The following L3MBTL4 variants were observed in gnomAD, a reference collection of about 807,000 sequenced individuals.
The protein encoded by L3MBTL4 is L3MBTL histone methyl-lysine binding protein 4, also known as lethal(3)malignant brain tumor-like protein 4.
In L3MBTL4, 70 loss-of-function variants were observed where a neutral mutation model predicts 84.5. That is an observed-to-expected ratio of 0.83 (90% CI 0.68 to 1.01). L3MBTL4 has a LOEUF of 1.01. L3MBTL4 is among the 50% of genes least tolerant of loss of function. The pLI, the probability that L3MBTL4 is intolerant of heterozygous loss-of-function variation, is 0.00. For synonymous variants in L3MBTL4, 274 were observed against 259.8 expected (o/e 1.05, Z -0.52); for missense variants, 715 against 754.8 (o/e 0.95, Z 0.62).
At chr18:6,008,135 C>A (rs1050427594) in intron 16 of L3MBTL4, among the ~76,000 whole-genome samples, 7 of 152,120 alleles carry the variant, frequency 4.6e-5, no homozygotes, top group African/African-American at 1.7e-4. Context: ...GGAAATATGA[C>A]CTTTCTTTGA....
chr18:6,042,462 C>T (rs905511101), intron 16 of L3MBTL4, among the ~76,000 whole-genome samples: 1 of 152,106 alleles, frequency 6.6e-6, no homozygotes, highest in Non-Finnish European at 1.5e-5. Context: ...ACTTCCATAC[C>T]TCCCACCTAC....
At chr18:6,243,676 A>T (rs1470123645) in intron 6 of L3MBTL4, among the ~76,000 whole-genome samples, 1 of 152,230 alleles carries the variant, frequency 6.6e-6, no homozygotes, top group Non-Finnish European at 1.5e-5. Flanking sequence ...CAATCTAGGA[A>T]TCTGAGGGTC....
At chr18:6,217,164 C>T (rs2046361034) in intron 10 of L3MBTL4, among the ~76,000 whole-genome samples, 2 of 152,062 alleles carry the variant, frequency 1.3e-5, no homozygotes, top group Non-Finnish European at 2.9e-5. Context: ...GTACACAAAT[C>T]AAGTGGATAG....
At chr18:6,115,690 T>C (rs2059336238) in intron 14 of L3MBTL4, among the ~76,000 whole-genome samples, 1 of 152,178 alleles carries the variant, frequency 6.6e-6, no homozygotes, top group Admixed American at 6.5e-5. Context: ...ATGGGAAGAC[T>C]CAAGGAGGGT....
chr18:6,081,150 C>A, intron 15 of L3MBTL4, 199 bp from the exon 16 acceptor site: 2 of 431,028 alleles, frequency 4.6e-6, no homozygotes, highest in Non-Finnish European at 8.1e-6. Flanking sequence ...TGACTTTGAA[C>A]CCTGAAATTT....
At chr18:6,116,887 A>C (rs1292632930) in intron 14 of L3MBTL4, among the ~76,000 whole-genome samples, 1 of 152,200 alleles carries the variant, frequency 6.6e-6, no homozygotes, top group Non-Finnish European at 1.5e-5. Flanking sequence ...CCCTGTGTTG[A>C]CCTTTGCTCG....
At chr18:6,113,307 G>A (rs2059252803) in intron 14 of L3MBTL4, among the ~76,000 whole-genome samples, 1 of 151,962 alleles carries the variant, frequency 6.6e-6, no homozygotes, top group African/African-American at 2.4e-5. Flanking sequence ...CATGGAAACG[G>A]GAATTGTATC....
intron 4 of L3MBTL4, among the ~76,000 whole-genome samples, chr18:6,297,556 T>C (rs561959803): frequency 2.0e-5 from 3 of 152,214 alleles, no homozygotes; most frequent in African/African-American, 7.2e-5. Flanking sequence ...AAAAGTTTAC[T>C]CAGAAATATC....
At chr18:6,146,050 C>T (rs2042637204) in intron 13 of L3MBTL4, among the ~76,000 whole-genome samples, 1 of 152,156 alleles carries the variant, frequency 6.6e-6, no homozygotes, top group Admixed American at 6.5e-5. Context: ...AGTGAGAGCA[C>T]GGGACACGCT....
At chr18:6,302,201 A>G (rs2050371067) in intron 3 of L3MBTL4, among the ~76,000 whole-genome samples, 1 of 152,142 alleles carries the variant, frequency 6.6e-6, no homozygotes, top group African/African-American at 2.4e-5. Context: ...GGAAGCTTTG[A>G]TAACAGTTAA....
At chr18:6,230,770 T>G (rs989266735) in intron 10 of L3MBTL4, among the ~76,000 whole-genome samples, 3 of 152,230 alleles carry the variant, frequency 2.0e-5, no homozygotes, top group Non-Finnish European at 4.4e-5. Flanking sequence ...TTTTGACTTT[T>G]TAATAATAGC....
intron 16 of L3MBTL4, among the ~76,000 whole-genome samples, chr18:6,061,146 C>CA (rs1346363032): frequency 6.6e-6 from 1 of 152,128 alleles, no homozygotes; most frequent in African/African-American, 2.4e-5. Context: ...CAATGGATGA[C>CA]AGAGTCCCTG....
intron 4 of L3MBTL4, among the ~76,000 whole-genome samples, chr18:6,279,802 T>C (rs1039871884): frequency 6.6e-6 from 1 of 152,204 alleles, no homozygotes; most frequent in Non-Finnish European, 1.5e-5. Context: ...ATTCACTTCA[T>C]AAAGTACTTA....
intron 16 of L3MBTL4, among the ~76,000 whole-genome samples, chr18:6,052,772 T>G (rs2056881525): frequency 6.6e-6 from 1 of 152,208 alleles, no homozygotes; most frequent in Non-Finnish European, 1.5e-5. Flanking sequence ...CAAGACTCAG[T>G]GCGTTAGTAG....
chr18:6,017,368 G>T (rs2145454941), intron 16 of L3MBTL4, among the ~76,000 whole-genome samples: 1 of 152,324 alleles, frequency 6.6e-6, no homozygotes, highest in Middle Eastern at 3.4e-3. Context: ...GAAGAAAACA[G>T]TCTCCTCTTG....
At chr18:5,991,447 T>C (rs1338701219) in intron 16 of L3MBTL4, among the ~76,000 whole-genome samples, 1 of 152,178 alleles carries the variant, frequency 6.6e-6, no homozygotes, top group African/African-American at 2.4e-5. Flanking sequence ...AAACATTCTG[T>C]TGATTGACTC....
intron 9 of L3MBTL4, among the ~76,000 whole-genome samples, 161 bp from the exon 10 acceptor site, chr18:6,238,201 T>C (rs75769661): frequency 0.017 from 2,549 of 152,340 alleles, 62 homozygotes; most frequent in African/African-American, 0.057. Context: ...AGTAGGCTGT[T>C]ACCAAGCTTC....
At chr18:6,181,846 CT>C (rs1057199835) in intron 12 of L3MBTL4, among the ~76,000 whole-genome samples, 2 of 152,202 alleles carry the variant, frequency 1.3e-5, no homozygotes, top group South Asian at 2.1e-4. Context: ...TGATCTCCTT[CT>C]TTTTTATGGT....
At chr18:6,004,613 G>C (rs2054378883) in intron 16 of L3MBTL4, among the ~76,000 whole-genome samples, 1 of 152,126 alleles carries the variant, frequency 6.6e-6, no homozygotes. Flanking sequence ...ATCCTAACAT[G>C]TCCACTGATA....
Sources: gnomAD v4.1 joint callset for allele counts (sites outside exome capture counted in the v4.1 genomes callset) on GRCh38, gnomAD v4.1.1 for gene constraint, MANE v1.5 for transcripts, NCBI Gene and HGNC (gene_info 2026-07-23, HGNC 2026-07-21) for gene names.